MACROD2: variants seen among roughly 807,000 people sequenced by gnomAD.
MACROD2 encodes mono-ADP ribosylhydrolase 2.
In MACROD2, 36 loss-of-function variants were observed where a neutral mutation model predicts 70.4. The ratio of observed to expected loss-of-function variants is 0.51; its 90% CI spans 0.39 to 0.68. The LOEUF is 0.68. Among genes scored for constraint, MACROD2 ranks in the 30% least tolerant of loss-of-function variants. The pLI is 0.00. For missense variants in MACROD2, 496 were observed against 538.4 expected (o/e 0.92, Z 0.78); for synonymous variants, 172 against 178.8 (o/e 0.96, Z 0.30).
At chr20:15,497,432 C>T (rs2047311960) in intron 7 of MACROD2, among the ~76,000 whole-genome samples, 1 of 152,136 alleles carries the variant, frequency 6.6e-6, no homozygotes, top group African/African-American at 2.4e-5. Context: ...GCTGGCATTA[C>T]AGGTGCCCGC....
At chr20:14,393,301 C>G (rs1434403695) in intron 3 of MACROD2, among the ~76,000 whole-genome samples, 2 of 152,056 alleles carry the variant, frequency 1.3e-5, no homozygotes, top group Admixed American at 6.6e-5. Flanking sequence ...GGAGGAATGG[C>G]AAACAGAAAT....
rs957211504 is a variant in MACROD2, at chr20:14,819,535, T to C, written c.418+134576T>C. 1.3e-5 allele frequency among the ~76,000 whole-genome samples: 2 copies of C among 151,996 alleles called. 1 individual carries two copies. On this transcript the variant is annotated intron_variant, in intron 5 of 17. Transcript: ENST00000684519. ...ACAGAGAAACAAAACCTTCCCCTCA[T>C]ACAGCTTACCATCCGGTAGGGAGGT... is the stretch of plus-strand genomic sequence containing the variant.
intron 6 of MACROD2, among the ~76,000 whole-genome samples, chr20:15,357,630 T>G (rs966328760): frequency 1.3e-5 from 2 of 152,150 alleles, no homozygotes; most frequent in African/African-American, 2.4e-5. Context: ...TACACTATCT[T>G]TGTACTTTTA....
chr20:15,075,685 C>T (rs2075652113), intron 5 of MACROD2, among the ~76,000 whole-genome samples: 1 of 152,154 alleles, frequency 6.6e-6, no homozygotes, highest in South Asian at 2.1e-4. Flanking sequence ...TAAACTCCTC[C>T]TTGTGTCTTT....
chr20:14,083,663 C>G (rs1218577952), intron 2 of MACROD2, among the ~76,000 whole-genome samples: 2 of 152,086 alleles, frequency 1.3e-5, no homozygotes, highest in Admixed American at 1.3e-4. Context: ...GAGAGGTCAA[C>G]TCAAGTGTAA....
At chr20:15,820,454 A>G (rs1476131535) in intron 8 of MACROD2, among the ~76,000 whole-genome samples, 2 of 152,124 alleles carry the variant, frequency 1.3e-5, no homozygotes, top group Non-Finnish European at 2.9e-5. Flanking sequence ...GGCCTCTCAA[A>G]GTGCTGGGAT....
chr20:15,001,945 CCACACA>C (rs111994400), intron 5 of MACROD2, among the ~76,000 whole-genome samples: 146 of 146,082 alleles, frequency 1.0e-3, no homozygotes, highest in Middle Eastern at 3.5e-3. Flanking sequence ...GTGTGCATGC[CCACACA>C]CACACACACA....
intron 4 of MACROD2, among the ~76,000 whole-genome samples, chr20:14,548,988 A>T (rs1326756413): frequency 6.6e-6 from 1 of 152,190 alleles, no homozygotes; most frequent in Non-Finnish European, 1.5e-5. Context: ...CCCAGAAGTT[A>T]TGGTGCTCCA....
At chr20:15,306,041 G>A (rs188591534) in intron 6 of MACROD2, among the ~76,000 whole-genome samples, 11 of 152,234 alleles carry the variant, frequency 7.2e-5, no homozygotes, top group Admixed American at 3.9e-4. Context: ...GTGAAGGCGA[G>A]TATCAAAAAG....
rs1213340559 is a variant in MACROD2, at chr20:15,708,625, A to C, written c.646-154120A>C. Among the ~76,000 whole-genome samples, 49 of 140,918 alleles carry C rather than the reference A, an allele frequency of 3.5e-4. 3 individuals are homozygous for C. The highest frequency in any genetic ancestry group is 3.5e-3 in the Admixed American group (49 of 14,136). 92.4% of individuals were successfully genotyped at this position (140,918 alleles called of 152,430 possible). On this transcript the variant is annotated intron_variant, in intron 8 of 17. Transcript: ENST00000684519. ...CATGCTGGCTCACACCTGTGATTTC[A>C]GCACTTTGGGAGCGAGGCAGTAGGA...
chr20:14,277,047 A>G (rs6042643), intron 3 of MACROD2, among the ~76,000 whole-genome samples: 97,383 of 152,088 alleles, frequency 0.64, 32,681 homozygotes, highest in Non-Finnish European at 0.75. Context: ...TGGGCTTGGT[A>G]GCTCACGCCT....
At chr20:14,142,617 AATTG>A (rs1464130617) in intron 3 of MACROD2, among the ~76,000 whole-genome samples, 1 of 152,134 alleles carries the variant, frequency 6.6e-6, no homozygotes, top group Non-Finnish European at 1.5e-5. Context: ...TATGTCACCA[AATTG>A]ATTGCTTTAA....
chr20:14,387,533 G>C (rs1330420349), intron 3 of MACROD2, among the ~76,000 whole-genome samples: 2 of 152,172 alleles, frequency 1.3e-5, no homozygotes, highest in African/African-American at 4.8e-5. Flanking sequence ...AGCTGCTTTA[G>C]CCCAATAGGG....
chr20:15,553,715 T>C (rs1267031867), intron 8 of MACROD2, among the ~76,000 whole-genome samples: 1 of 152,222 alleles, frequency 6.6e-6, no homozygotes, highest in Admixed American at 6.5e-5. Flanking sequence ...GGGCACATTG[T>C]GGACGTGCCC....
chr20:15,938,726 A>G (rs1313577790), intron 12 of MACROD2, among the ~76,000 whole-genome samples: 2 of 152,194 alleles, frequency 1.3e-5, no homozygotes, highest in African/African-American at 4.8e-5. Flanking sequence ...TTAAATCAAA[A>G]GCTAGCTATG....
chr20:14,864,442 CTTTAAT>C (rs1383711840), intron 5 of MACROD2, among the ~76,000 whole-genome samples: 3 of 151,950 alleles, frequency 2.0e-5, no homozygotes, highest in African/African-American at 4.8e-5. Flanking sequence ...TACTGTAAAA[CTTTAAT>C]TTTAAGATTT....
At chr20:14,566,247 G>T (rs1050461835) in intron 4 of MACROD2, among the ~76,000 whole-genome samples, 2 of 151,880 alleles carry the variant, frequency 1.3e-5, no homozygotes, top group African/African-American at 4.8e-5. Context: ...AATTCCAAAT[G>T]GTCAATAAAC....
chr20:15,915,733 G>A (rs1290420626), intron 10 of MACROD2, among the ~76,000 whole-genome samples: 4 of 152,092 alleles, frequency 2.6e-5, no homozygotes, highest in Non-Finnish European at 4.4e-5. Context: ...GTCTCAAAGA[G>A]CACAAGGCAG....
intron 3 of MACROD2, among the ~76,000 whole-genome samples, chr20:14,367,598 ACTT>A (rs1011585929): frequency 7.9e-5 from 12 of 152,174 alleles, no homozygotes; most frequent in African/African-American, 2.6e-4. Context: ...ATGTTATTTA[ACTT>A]CTTCTATGAT....
Sources: allele counts gnomAD v4.1 joint callset (sites outside exome capture counted in the v4.1 genomes callset), GRCh38; gene constraint gnomAD v4.1.1; transcripts MANE v1.5; gene names NCBI Gene and HGNC (gene_info 2026-07-23, HGNC 2026-07-21).